Variants in FBF1 observed in about 807,000 individuals in gnomAD.
FBF1 encodes Fas binding factor 1.
In FBF1, 119 loss-of-function variants were observed where a neutral mutation model predicts 147.2. The ratio of observed to expected loss-of-function variants is 0.81; its 90% confidence interval spans 0.70 to 0.94. The LOEUF (loss-of-function observed/expected upper bound fraction) is 0.94, where lower values mean the gene tolerates loss of function less well. Ranked by LOEUF, FBF1 falls within the 40% of genes least tolerant of loss-of-function variation. FBF1 has a pLI of 0.00. For synonymous variants in FBF1, 601 were observed against 609.0 expected, an observed-to-expected ratio of 0.99 and a Z score of 0.19; for missense variants, 1,449 against 1,500.8, an observed-to-expected ratio of 0.97 and a Z score of 0.57.
intron 7 of FBF1, 33 bp downstream of exon 7, chr17:75,929,964 C>CCCCCCCCTCAA (rs1598159938): frequency 2.9e-6 from 4 of 1,402,202 alleles, no homozygotes; most frequent in Non-Finnish European, 3.9e-6. Flanking sequence ...CACCCACCCC[C>CCCCCCCCTCAA]AGTTCTAAGA....
Position 75,929,945 on chromosome 17 carries a change from A to ACGCC in FBF1, c.279+51_279+52insGGCG. ...TGAAGCTTTGGTACAAAATATCATG[A>ACGCC]CCCCACCCCACCCACCCCCAGTTCT... On this transcript the variant is annotated intron_variant, in intron 7 of 29. Coordinates refer to ENST00000636174, the MANE Select transcript of FBF1 (RefSeq NM_001319193.2). 8 of 650,898 alleles carry ACGCC rather than the reference A, an allele frequency of 1.2e-5. No homozygotes were observed. In the East Asian group the frequency reaches 1.4e-4, roughly 11 times the overall value. The allele number at this position is 650,898 out of a possible 1,614,324, so 40.3% of individuals were successfully genotyped here. A position where few individuals can be genotyped will look rare whatever the true frequency, so the allele number is the denominator to read the frequency against.
intron 3 of FBF1, among the ~76,000 whole-genome samples, chr17:75,936,263 G>A (rs137877737): frequency 8.7e-4 from 132 of 152,094 alleles, no homozygotes; most frequent in Admixed American, 2.3e-3. Flanking sequence ...GTAGTGAGCC[G>A]AGATCGCACC....
At chr17:75,940,210 G>C (rs1567866390) in intron 1 of FBF1, among the ~76,000 whole-genome samples, 2 of 150,446 alleles carry the variant, frequency 1.3e-5, no homozygotes, top group African/African-American at 4.9e-5. Context: ...CAAAGTGCTA[G>C]GATTACAGGT....
At chr17:75,926,580 C>T (rs756610521) in intron 10 of FBF1, among the ~76,000 whole-genome samples, 154 bp from the exon 11 acceptor site, 1 of 152,226 alleles carries the variant, frequency 6.6e-6, no homozygotes, top group Non-Finnish European at 1.5e-5. Flanking sequence ...CTCCAGCCTA[C>T]TCCCAGACTC....
rs943035192 is a variant in FBF1 at position 75,914,400 on chromosome 17, G to A, written c.2815-102C>T. ...TCTGCCCACCCTGCCCCTGGGAGGA[G>A]GTGGTGGAGCCAGGGGCTTCCAGGG... On this transcript the variant is annotated intron_variant, in intron 25 of 29. Coordinates refer to ENST00000636174, the MANE Select transcript of FBF1 (RefSeq NM_001319193.2). 6 of 1,458,770 alleles carry A rather than the reference G, an allele frequency of 4.1e-6. No homozygotes were observed. The Admixed American group carries it at 1.1e-4, about 27-fold the overall frequency. 90.4% of individuals were successfully genotyped at this position (1,458,770 alleles called of 1,614,324 possible).
Position 75,914,066 on chromosome 17 carries a change from C to A in FBF1, c.2992-16G>T. 6.3e-7 allele frequency: 1 copy of A among 1,592,580 alleles called. No individual in the cohort carries two copies. ...CGGAGGCCACCTGCAGGGAGGCCGCCTGGGTCAGGGCTGCCTGGGCTCAGA... is the reference window on the plus strand; with the variant it reads ...CGGAGGCCACCTGCAGGGAGGCCGCATGGGTCAGGGCTGCCTGGGCTCAGA... On this transcript the variant is annotated splice_polypyrimidine_tract_variant and intron_variant, in intron 26 of 29. Transcript: ENST00000636174.
rs1231292266 is a variant in FBF1, at chr17:75,923,420, T to C, written c.1190A>G (p.His397Arg). Residue 397 changes from histidine to arginine, a missense_variant, in exon 14 of 30, where the codon CAC becomes CGC. Coordinates refer to ENST00000636174, the MANE Select transcript of FBF1 (RefSeq NM_001319193.2). This position sits in a 1 kb window ranked among gnomAD's most constrained non-coding sequence, Gnocchi z 4.1. ...TPSVPPPASQ[H>R]STPAGLPPSR... is the part of the protein sequence containing the mutation. ...GGGGGGCAGCCCAGCTGGCGTGGAG[T>C]GCTGGCTCGCAGGAGGAGGCACTGA... 2 of 1,607,580 alleles carry C rather than the reference T, an allele frequency of 1.2e-6. No homozygotes were observed. The highest frequency in any genetic ancestry group is 1.7e-6 in the Non-Finnish European group (2 of 1,177,482).
At chr17:75,917,095 C>A (rs780913127) in intron 23 of FBF1, among the ~76,000 whole-genome samples, 3 of 152,200 alleles carry the variant, frequency 2.0e-5, no homozygotes, top group Admixed American at 6.5e-5. Context: ...GATCCTCCAG[C>A]CTTGGACTCC....
chr17:75,932,347 C>T (rs759826751), intron 5 of FBF1, among the ~76,000 whole-genome samples: 1 of 151,916 alleles, frequency 6.6e-6, no homozygotes, highest in Non-Finnish European at 1.5e-5. Context: ...TGCACTCCAG[C>T]CTGGGTGACA....
At chr17:75,936,484 G>A (rs1598163000) in intron 3 of FBF1, among the ~76,000 whole-genome samples, 1 of 151,378 alleles carries the variant, frequency 6.6e-6, no homozygotes, top group African/African-American at 2.4e-5. Flanking sequence ...AGAGCAAGAC[G>A]CCGTCTCAAA....
At chr17:75,929,119 G>T (rs867616281) in intron 7 of FBF1, among the ~76,000 whole-genome samples, 1 of 151,820 alleles carries the variant, frequency 6.6e-6, no homozygotes, top group African/African-American at 2.4e-5. Context: ...GCCTCCCAAA[G>T]TTCTGGGATT....
At chr17:75,933,927 T>C (rs1381848783) in intron 4 of FBF1, among the ~76,000 whole-genome samples, 1 of 152,186 alleles carries the variant, frequency 6.6e-6, no homozygotes, top group East Asian at 1.9e-4. Flanking sequence ...AGCAAGGATG[T>C]AGAGGAACTA....
At chr17:75,912,996 T>C (rs78275688) in intron 28 of FBF1, among the ~76,000 whole-genome samples, 7 of 151,152 alleles carry the variant, frequency 4.6e-5, no homozygotes, top group African/African-American at 1.7e-4. Flanking sequence ...GCCGAGATCA[T>C]GCCACTGCAC....
At position 75,914,263 on chromosome 17, in the gene FBF1, G is replaced by C. The variant is rs1040374974; in HGVS notation, c.2850C>G (p.Leu950=). 2 of 1,592,512 alleles carry C rather than the reference G, an allele frequency of 1.3e-6. No homozygotes were observed. The highest frequency in any genetic ancestry group is 1.7e-5 in the Admixed American group (1 of 57,932). Residue 950 remains leucine, a synonymous_variant, in exon 26 of 30, where the codon CTC becomes CTG. Transcript: ENST00000636174. ...QAELKIRASE[L]RAEEKQLAAE... is the part of the protein sequence containing the mutation. The stretch of plus-strand genomic sequence containing the variant: ...CTGCCAGCTGCTTCTCCTCGGCCCG[G>C]AGCTCGCTGGCCCTGATCTTCAGCT...
In FBF1 at chr17:75,925,923, CAT is replaced by C. The variant is rs1366292485; in HGVS notation, c.868+105_868+106del. 6.4e-6 allele frequency: 9 copies of C among 1,403,296 alleles called. No individual in the cohort carries two copies. The highest frequency in any genetic ancestry group is 3.0e-5 in the South Asian group (2 of 67,278). The allele number at this position is 1,403,296 out of a possible 1,614,324, so 86.9% of individuals were successfully genotyped here. ...TCTCAGCTATAGACGTGTATAATCA[CAT>C]GTGTGTATCAGGATGTGAGGCTGAT... On this transcript the variant is annotated intron_variant, in intron 12 of 29. Coordinates refer to ENST00000636174, the MANE Select transcript of FBF1 (RefSeq NM_001319193.2). This position sits in a 1 kb window ranked among gnomAD's most constrained non-coding sequence, Gnocchi z 5.0.
At position 75,913,829 on chromosome 17, in the gene FBF1, T is replaced by A. The variant is rs1258940024; in HGVS notation, c.3130-10A>T. On this transcript the variant is annotated splice_polypyrimidine_tract_variant and intron_variant, in intron 27 of 29. Coordinates refer to ENST00000636174, the MANE Select transcript of FBF1 (RefSeq NM_001319193.2). ...CCAGACTCAGATGCTCCTGTCCCCGTTCCCCCAGAAAGAAGGACTCAGCTG... is the reference window on the plus strand; with the variant it reads ...CCAGACTCAGATGCTCCTGTCCCCGATCCCCCAGAAAGAAGGACTCAGCTG... The A allele has an allele frequency of 6.3e-7, 1 of 1,593,982 alleles. No homozygotes were observed. The highest frequency in any genetic ancestry group is 1.3e-5 in the African/African-American group (1 of 74,640).
Position 75,923,146 on chromosome 17 carries a change from C to G in FBF1, c.1424+40G>C, listed in dbSNP as rs1250425851. Reference sequence around the variant, plus strand: ...CAAAGGGGCTCCTCAAGTCCCCAGCCAGTCCTCCCCCTACTAGCCACAGCA... The same window carrying G: ...CAAAGGGGCTCCTCAAGTCCCCAGCGAGTCCTCCCCCTACTAGCCACAGCA... On this transcript the variant is annotated intron_variant, in intron 14 of 29. Transcript: ENST00000636174. The surrounding 1 kb of genome is among the most constrained non-coding windows in gnomAD (Gnocchi z 4.1). 2.2e-5 allele frequency: 33 copies of G among 1,502,840 alleles called. No individual in the cohort carries two copies. The highest frequency in any genetic ancestry group is 2.8e-5 in the Non-Finnish European group (31 of 1,120,234). 93.1% of individuals were successfully genotyped at this position (1,502,840 alleles called of 1,614,324 possible).
Position 75,931,289 on chromosome 17 carries a change from C to T in FBF1, c.168G>A (p.Lys56=), listed in dbSNP as rs1240046814. ...QMFPSSKART[K]SLLGDDVFST... ...TGAAGACATCATCACCCAGGAGGGA[C>T]CTGCAAAGGGGAGGCGTCAGCCCCT... is the stretch of plus-strand genomic sequence containing the variant. The change falls in exon 6 of 30, where the codon AAG becomes AAA. Residue 56 remains lysine, a splice_region_variant and synonymous_variant. Transcript: ENST00000636174. The T allele has an allele frequency of 3.8e-6, 6 of 1,582,106 alleles. No individual in the cohort carries two copies. The South Asian group carries it at 5.8e-5, about 15-fold the overall frequency.
Position 75,917,787 on chromosome 17 carries a change from TC to T in FBF1, c.2449del (p.Glu817ArgfsTer10). On this transcript the variant is annotated frameshift_variant, in exon 23 of 30. Transcript: ENST00000636174. LOFTEE classifies it high-confidence loss of function. ...CCGTGCCTCCATCTTCCCGATGACCTCCTGTTGCCGGCTCCGCTCCTCCTCC... is the reference window on the plus strand; with the variant it reads ...CCGTGCCTCCATCTTCCCGATGACCTCTGTTGCCGGCTCCGCTCCTCCTCC... The part of the protein sequence containing the change: ...DMEEERSRQQ[E>X]VIGKMEARLN... 1 of 1,611,036 alleles carries T rather than the reference TC, an allele frequency of 6.2e-7. No homozygotes were observed. The highest frequency in any genetic ancestry group is 8.5e-7 in the Non-Finnish European group (1 of 1,179,336).
Sources: allele counts gnomAD v4.1 joint callset (sites outside exome capture counted in the v4.1 genomes callset), GRCh38; gene constraint gnomAD v4.1.1; non-coding constraint Gnocchi (gnomAD v3.1); transcripts MANE v1.5; gene names NCBI Gene and HGNC (gene_info 2026-07-23, HGNC 2026-07-21).